CLEC16A: variants seen among roughly 807,000 people sequenced by gnomAD.
CLEC16A encodes the protein protein CLEC16A.
Under a neutral mutation model 109.5 loss-of-function variants are expected in CLEC16A, and 51 were observed. The ratio of observed to expected loss-of-function variants is 0.47; its 90% CI spans 0.37 to 0.59. The LOEUF is 0.59. CLEC16A is among the 20% of genes least tolerant of loss of function. The pLI is 0.00. For missense variants in CLEC16A, 1,339 were observed against 1,394.0 expected, an observed-to-expected ratio of 0.96 and a Z score of 0.63; for synonymous variants, 673 against 564.2, an observed-to-expected ratio of 1.19 and a Z score of -2.73.
At chr16:11,092,913 C>T (rs903519550) in intron 19 of CLEC16A, among the ~76,000 whole-genome samples, 1 of 152,228 alleles carries the variant, frequency 6.6e-6, no homozygotes, top group Non-Finnish European at 1.5e-5. Context: ...TCGTTATCCT[C>T]ATCATCATGA....
chr16:11,059,919 T>C (rs2048392670), intron 18 of CLEC16A, among the ~76,000 whole-genome samples: 1 of 152,194 alleles, frequency 6.6e-6, no homozygotes, highest in South Asian at 2.1e-4. Context: ...GCTGTCCCCA[T>C]GGGGCACTGC....
chr16:10,976,738 G>A (rs569288506), intron 7 of CLEC16A, among the ~76,000 whole-genome samples: 3 of 152,206 alleles, frequency 2.0e-5, no homozygotes, highest in African/African-American at 7.2e-5. Context: ...TAACTGCTGG[G>A]AGACGGAGAC....
At chr16:11,157,067 T>G in intron 22 of CLEC16A, 1 of 1,303,974 alleles carries the variant, frequency 7.7e-7, no homozygotes, top group Non-Finnish European at 1.0e-6. Flanking sequence ...CCATTTTTTC[T>G]TTTCTGCAGG....
At chr16:11,004,774 CT>C (rs1254003840) in intron 11 of CLEC16A, among the ~76,000 whole-genome samples, 10 of 152,130 alleles carry the variant, frequency 6.6e-5, no homozygotes, top group Non-Finnish European at 1.3e-4. Context: ...CCACCGAGAC[CT>C]CTTTTTATGG....
intron 19 of CLEC16A, among the ~76,000 whole-genome samples, chr16:11,115,770 G>C (rs1446795285): frequency 6.6e-6 from 1 of 152,050 alleles, no homozygotes; most frequent in African/African-American, 2.4e-5. Flanking sequence ...TAATGTAGAA[G>C]ACTAGTCATC....
At chr16:11,034,354 C>A (rs934882874) in intron 13 of CLEC16A, among the ~76,000 whole-genome samples, 1 of 152,146 alleles carries the variant, frequency 6.6e-6, no homozygotes, top group African/African-American at 2.4e-5. Flanking sequence ...GAACTGTTTA[C>A]CTGGTGTTCT....
At chr16:11,026,112 T>C (rs2152815783) in intron 13 of CLEC16A, among the ~76,000 whole-genome samples, 1 of 152,366 alleles carries the variant, frequency 6.6e-6, no homozygotes, top group East Asian at 1.9e-4. Context: ...TCTATGTTCA[T>C]GACTGATACT....
intron 10 of CLEC16A, among the ~76,000 whole-genome samples, 194 bp from the exon 11 acceptor site, chr16:11,002,880 G>T (rs2044751559): frequency 1.3e-5 from 2 of 152,050 alleles, no homozygotes; most frequent in Admixed American, 1.3e-4. Context: ...CTCTGTTGGT[G>T]GACACTTAGG....
chr16:11,077,964 C>CGTGTGTGTGTGTGTGTGT (rs34576806), intron 19 of CLEC16A, among the ~76,000 whole-genome samples: 1 of 135,540 alleles, frequency 7.4e-6, no homozygotes, highest in South Asian at 2.6e-4. Context: ...CAAAAAAAAA[C>CGTGTGTGTGTGTGTGTGT]GTGTGTGTGT....
intron 10 of CLEC16A, among the ~76,000 whole-genome samples, chr16:11,001,184 C>T (rs1195068931): frequency 6.6e-6 from 1 of 152,084 alleles, no homozygotes; most frequent in African/African-American, 2.4e-5. Flanking sequence ...CTCCTTGGCT[C>T]GAGCGATCCT....
intron 22 of CLEC16A, among the ~76,000 whole-genome samples, chr16:11,126,994 T>G (rs2052870978): frequency 6.6e-6 from 1 of 152,246 alleles, no homozygotes; most frequent in Non-Finnish European, 1.5e-5. Context: ...CCATGTGATT[T>G]ATTTTAGTTT....
At chr16:11,151,918 T>G (rs1270627755) in intron 22 of CLEC16A, among the ~76,000 whole-genome samples, 1 of 151,918 alleles carries the variant, frequency 6.6e-6, no homozygotes, top group Non-Finnish European at 1.5e-5. Flanking sequence ...TGGAGACGGG[T>G]GAGGAACCCG....
At chr16:11,089,232 TG>T (rs1168195588) in intron 19 of CLEC16A, among the ~76,000 whole-genome samples, 10 of 152,206 alleles carry the variant, frequency 6.6e-5, no homozygotes, top group African/African-American at 2.4e-4. Flanking sequence ...TTTACATGAA[TG>T]GGACCATGGA....
intron 1 of CLEC16A, among the ~76,000 whole-genome samples, chr16:10,948,117 T>C (rs187729009): frequency 7.9e-5 from 12 of 152,284 alleles, no homozygotes; most frequent in South Asian, 2.1e-4. Context: ...ATGGTCTCGA[T>C]CTCCTGACCT....
intron 23 of CLEC16A, among the ~76,000 whole-genome samples, chr16:11,170,050 G>A (rs546301436): frequency 1.5e-4 from 23 of 152,324 alleles, no homozygotes; most frequent in African/African-American, 5.3e-4. Context: ...CTGAAGCCTA[G>A]CCTTGGCAGC....
Position 10,971,299 on chromosome 16 carries a change from T to C in CLEC16A, c.598+69T>C, listed in dbSNP as rs114035917. ...GGCAGCAAGCACTCACTCCCGTGTG[T>C]GTGCGTACAGTTCTCCGATTGTCAC... is the stretch of plus-strand genomic sequence containing the variant. On this transcript the variant is annotated intron_variant, in intron 5 of 23. Transcript: ENST00000409790. 1,354 of 1,113,934 alleles carry C rather than the reference T, an allele frequency of 1.2e-3. 10 individuals are homozygous for C. The African/African-American group carries it at 0.018, about 15-fold the overall frequency. 69.0% of individuals were successfully genotyped at this position (1,113,934 alleles called of 1,614,324 possible). A position where few individuals can be genotyped will look rare whatever the true frequency, so the allele number is the denominator to read the frequency against.
intron 19 of CLEC16A, among the ~76,000 whole-genome samples, chr16:11,113,034 G>A (rs2051707269): frequency 6.6e-6 from 1 of 152,206 alleles, no homozygotes; most frequent in East Asian, 1.9e-4. Flanking sequence ...GACTGTGCAC[G>A]TGCACATGTG....
intron 23 of CLEC16A, among the ~76,000 whole-genome samples, chr16:11,171,195 A>G (rs2068496582): frequency 6.6e-6 from 1 of 152,144 alleles, no homozygotes; most frequent in Non-Finnish European, 1.5e-5. Flanking sequence ...GGCCCAGTAC[A>G]GGTGAGGGCC....
intron 19 of CLEC16A, among the ~76,000 whole-genome samples, chr16:11,102,694 G>A (rs1327516507): frequency 6.6e-6 from 1 of 152,218 alleles, no homozygotes; most frequent in East Asian, 1.9e-4. Context: ...TGGCCCCACT[G>A]GGCATCAGAC....
Sources: allele counts gnomAD v4.1 joint callset (sites outside exome capture counted in the v4.1 genomes callset), GRCh38; gene constraint gnomAD v4.1.1; transcripts MANE v1.5; gene names NCBI Gene and HGNC (gene_info 2026-07-23, HGNC 2026-07-21).